NOL10: variants seen among roughly 807,000 people sequenced by gnomAD.
NOL10 encodes the protein nucleolar protein 10.
Under a neutral mutation model 103.5 loss-of-function variants are expected in NOL10, and 58 were observed. The observed-to-expected ratio is 0.56, with a 90% CI of 0.45 to 0.70. The LOEUF (loss-of-function observed/expected upper bound fraction) is 0.70. Ranked by LOEUF, NOL10 falls within the 30% of genes least tolerant of loss-of-function variation. The pLI is 0.00. For missense variants in NOL10, 763 were observed against 807.3 expected, an observed-to-expected ratio of 0.95 and a Z score of 0.67; for synonymous variants, 287 against 282.5, an observed-to-expected ratio of 1.02 and a Z score of -0.16.
intron 11 of NOL10, among the ~76,000 whole-genome samples, chr2:10,655,485 C>A (rs1572387151): frequency 6.6e-6 from 1 of 151,970 alleles, no homozygotes; most frequent in African/African-American, 2.4e-5. Context: ...GTAGTTAGGG[C>A]TAAACCATTT....
intron 20 of NOL10, among the ~76,000 whole-genome samples, chr2:10,575,103 C>G (rs779819727): frequency 1.3e-5 from 2 of 152,218 alleles, no homozygotes; most frequent in Non-Finnish European, 2.9e-5. Flanking sequence ...CTCCAGCACT[C>G]CTGTCACAGA....
chr2:10,673,365 A>G, intron 5 of NOL10, 155 bp downstream of exon 5: 2 of 452,320 alleles, frequency 4.4e-6, no homozygotes, highest in Non-Finnish European at 7.9e-6. Flanking sequence ...ATGATGGGTT[A>G]CATTTTACTA....
chr2:10,582,436 C>G (rs1404441584), intron 19 of NOL10, among the ~76,000 whole-genome samples: 2 of 152,140 alleles, frequency 1.3e-5, no homozygotes, highest in Admixed American at 1.3e-4. Context: ...AGAAGTTATC[C>G]CCATCTACTG....
At chr2:10,680,967 C>T (rs1010008003) in intron 3 of NOL10, among the ~76,000 whole-genome samples, 16 of 152,078 alleles carry the variant, frequency 1.1e-4, no homozygotes, top group South Asian at 6.2e-4. Flanking sequence ...TACAGAAAAT[C>T]ATGTTATAAG....
chr2:10,664,495 A>G (rs1294213369), intron 8 of NOL10, among the ~76,000 whole-genome samples: 1 of 152,258 alleles, frequency 6.6e-6, no homozygotes, highest in Non-Finnish European at 1.5e-5. Context: ...ATATACATGT[A>G]CTAGAATTGT....
chr2:10,667,860 C>T (rs1420535679), intron 7 of NOL10, among the ~76,000 whole-genome samples: 1 of 151,784 alleles, frequency 6.6e-6, no homozygotes, highest in East Asian at 1.9e-4. Flanking sequence ...GCATTTCTAC[C>T]CAATGTGAAA....
At chr2:10,621,656 C>T (rs1677155908) in intron 13 of NOL10, among the ~76,000 whole-genome samples, 1 of 152,122 alleles carries the variant, frequency 6.6e-6, no homozygotes, top group African/African-American at 2.4e-5. Flanking sequence ...AGGAGATGCA[C>T]AGTAAGGTCG....
At chr2:10,669,350 A>C (rs1395711622) in intron 6 of NOL10, among the ~76,000 whole-genome samples, 1 of 151,164 alleles carries the variant, frequency 6.6e-6, no homozygotes, top group Non-Finnish European at 1.5e-5. Context: ...TCAGCCTCCC[A>C]AAGTGCTGGA....
intron 13 of NOL10, 39 bp from the exon 14 acceptor site, chr2:10,607,350 T>C (rs1407717174): frequency 6.4e-7 from 1 of 1,562,548 alleles, no homozygotes. Flanking sequence ...AGGCACAGTT[T>C]ACCACGCCAT....
At chr2:10,661,406 C>T (rs1403554666) in intron 9 of NOL10, among the ~76,000 whole-genome samples, 3 of 150,424 alleles carry the variant, frequency 2.0e-5, no homozygotes, top group African/African-American at 7.4e-5. Flanking sequence ...GAGTCTCACT[C>T]TGTTACCCAG....
intron 12 of NOL10, among the ~76,000 whole-genome samples, chr2:10,649,396 C>T (rs10178247): frequency 0.77 from 112,531 of 146,560 alleles, 43,374 homozygotes; most frequent in African/African-American, 0.82. Flanking sequence ...TCTCGGCTCA[C>T]TGCAACCTCC....
At chr2:10,659,423 T>C (rs1409332521) in intron 9 of NOL10, among the ~76,000 whole-genome samples, 173 bp from the exon 10 acceptor site, 9 of 148,412 alleles carry the variant, frequency 6.1e-5, no homozygotes, top group Non-Finnish European at 1.5e-5. Context: ...GCACCTGTAA[T>C]ACCAGCACTT....
intron 17 of NOL10, among the ~76,000 whole-genome samples, chr2:10,590,072 C>CA (rs5829271): frequency 0.59 from 89,631 of 151,804 alleles, 27,449 homozygotes; most frequent in African/African-American, 0.74. Context: ...CATTTTAATG[C>CA]AAAAAAACAC....
At chr2:10,593,197 G>GGA (rs1675489312) in intron 17 of NOL10, among the ~76,000 whole-genome samples, 2 of 151,364 alleles carry the variant, frequency 1.3e-5, no homozygotes, top group African/African-American at 2.4e-5. Flanking sequence ...GGAGTGCAGT[G>GGA]GTGTGATCTC....
intron 17 of NOL10, among the ~76,000 whole-genome samples, chr2:10,599,439 C>T (rs966875677): frequency 6.6e-6 from 1 of 152,220 alleles, no homozygotes; most frequent in African/African-American, 2.4e-5. Context: ...AGAGAGTCAA[C>T]ACAGCAGCAA....
chr2:10,659,220 C>T lies in NOL10; in HGVS notation c.708G>A (p.Leu236=). The T allele has an allele frequency of 1.9e-6, 3 of 1,603,598 alleles. No homozygotes were observed. Among genetic ancestry groups the T allele is most frequent in the Non-Finnish European group, 2.6e-6 (3 of 1,174,842 alleles). Residue 236 remains leucine, a synonymous_variant, in exon 10 of 21, where the codon TTG becomes TTA. Coordinates refer to ENST00000381685, the MANE Select transcript of NOL10 (RefSeq NM_024894.4). The part of the protein sequence containing the change: ...EINSLPTISA[L]KFNGALTMAV... ...CCATGGTCAAGGCACCATTAAATTT[C>T]AAAGCAGAGATTGTTGGTAAACTGT...
intron 1 of NOL10, among the ~76,000 whole-genome samples, chr2:10,689,410 C>G (rs923221943): frequency 6.6e-6 from 1 of 152,184 alleles, no homozygotes; most frequent in Admixed American, 6.5e-5. Flanking sequence ...GATAGGGACT[C>G]CACAAACAGC....
chr2:10,673,702 G>T (rs1342629184), intron 4 of NOL10, 145 bp from the exon 5 acceptor site: 10 of 539,848 alleles, frequency 1.9e-5, no homozygotes, highest in Non-Finnish European at 3.3e-5. Flanking sequence ...GAAGAAAATT[G>T]TCATAGTATA....
At chr2:10,638,363 A>G (rs1052267638) in intron 13 of NOL10, among the ~76,000 whole-genome samples, 2 of 146,316 alleles carry the variant, frequency 1.4e-5, no homozygotes, top group Non-Finnish European at 3.0e-5. Context: ...GTAACGTAAC[A>G]GTACCTAACT....
Sources: allele counts gnomAD v4.1 joint callset (sites outside exome capture counted in the v4.1 genomes callset), GRCh38; gene constraint gnomAD v4.1.1; transcripts MANE v1.5; gene names NCBI Gene and HGNC (gene_info 2026-07-23, HGNC 2026-07-21).